MYT1: variants seen among roughly 807,000 people sequenced by gnomAD.
The protein encoded by MYT1 is myelin transcription factor 1.
Under a neutral mutation model 123.0 loss-of-function variants are expected in MYT1, and 23 were observed. The observed-to-expected ratio is 0.19, with a 90% CI of 0.13 to 0.26. The LOEUF (loss-of-function observed/expected upper bound fraction) is 0.26. MYT1 is among the 10% of genes least tolerant of loss of function. The pLI is 1.00. For missense variants in MYT1, 1,125 were observed against 1,472.5 expected, an observed-to-expected ratio of 0.76 and a Z score of 3.86; for synonymous variants, 518 against 575.3, an observed-to-expected ratio of 0.90 and a Z score of 1.43.
intron 1 of MYT1, among the ~76,000 whole-genome samples, chr20:64,180,515 A>G (rs1982623124): frequency 6.6e-6 from 1 of 152,196 alleles, no homozygotes; most frequent in Non-Finnish European, 1.5e-5. Context: ...TCTGCAGGCC[A>G]ACCTCTGGGT....
At chr20:64,233,165 C>G (rs952719411) in intron 19 of MYT1, among the ~76,000 whole-genome samples, 2 of 128,400 alleles carry the variant, frequency 1.6e-5, no homozygotes, top group African/African-American at 6.0e-5. Flanking sequence ...CTTCCTCCTT[C>G]CCTTTCCCTC....
At position 64,208,822 on chromosome 20, in the gene MYT1, C is replaced by A. The variant is rs1983579731; in HGVS notation, c.1291+335C>A. On this transcript the variant is annotated intron_variant, in intron 7 of 22. Coordinates refer to ENST00000328439, the MANE Select transcript of MYT1 (RefSeq NM_004535.3). The surrounding 1 kb of genome is among the most constrained non-coding windows in gnomAD (Gnocchi z 5.4). ...AGGGTGGGGACCGTCCTGTCCCTTCCACCCCAACTCACACTCGTGGCAGGG... is the reference window on the plus strand; with the variant it reads ...AGGGTGGGGACCGTCCTGTCCCTTCAACCCCAACTCACACTCGTGGCAGGG... Among the ~76,000 whole-genome samples, 2 of 152,178 alleles carry A rather than the reference C, an allele frequency of 1.3e-5. No individual in the cohort carries two copies. The highest frequency in any genetic ancestry group is 4.8e-5 in the African/African-American group (2 of 41,442).
chr20:64,235,369 A>G (rs1314042427), intron 19 of MYT1, among the ~76,000 whole-genome samples: 4 of 125,802 alleles, frequency 3.2e-5, no homozygotes, highest in Non-Finnish European at 6.4e-5. Context: ...GTTGTGGGTG[A>G]CACTGGGCTG....
chr20:64,204,398 C>T (rs1983417480), intron 4 of MYT1, among the ~76,000 whole-genome samples: 1 of 152,194 alleles, frequency 6.6e-6, no homozygotes. Context: ...CAAAAGTCTT[C>T]CACGAGGCAG....
intron 8 of MYT1, 76 bp downstream of exon 8, chr20:64,211,416 G>A: frequency 6.7e-7 from 1 of 1,496,904 alleles, no homozygotes; most frequent in Non-Finnish European, 9.1e-7. Flanking sequence ...GGTGTCTATG[G>A]GGAGGCGTGG....
intron 1 of MYT1, among the ~76,000 whole-genome samples, chr20:64,165,949 T>A (rs1982066811): frequency 6.6e-6 from 1 of 151,726 alleles, no homozygotes; most frequent in South Asian, 2.1e-4. Flanking sequence ...TGCTGAGGGG[T>A]ATGCTCTGCC....
intron 1 of MYT1, among the ~76,000 whole-genome samples, chr20:64,187,358 C>T (rs966832876): frequency 1.4e-4 from 21 of 150,362 alleles, no homozygotes; most frequent in African/African-American, 2.9e-4. Flanking sequence ...CCTGTGGCCC[C>T]GGCATCCACG....
intron 3 of MYT1, among the ~76,000 whole-genome samples, chr20:64,199,186 C>A (rs551889898): frequency 6.6e-6 from 1 of 152,322 alleles, no homozygotes; most frequent in East Asian, 1.9e-4. Flanking sequence ...GGCTCAGTTA[C>A]GAGACCATTC....
chr20:64,184,051 C>T (rs1053294639), intron 1 of MYT1, among the ~76,000 whole-genome samples: 13 of 152,164 alleles, frequency 8.5e-5, no homozygotes, highest in Non-Finnish European at 1.5e-4. Context: ...AACCCCTGAC[C>T]TCAAGTGATC....
intron 1 of MYT1, among the ~76,000 whole-genome samples, chr20:64,170,975 G>A (rs989306944): frequency 2.0e-5 from 3 of 147,142 alleles, no homozygotes; most frequent in East Asian, 4.0e-4. Context: ...GTGCAGTGGC[G>A]CCTTCTTGGC....
intron 21 of MYT1, among the ~76,000 whole-genome samples, chr20:64,238,515 A>T (rs558298805): frequency 6.6e-6 from 1 of 152,334 alleles, no homozygotes; most frequent in Non-Finnish European, 1.5e-5. Context: ...CTGTATAAAA[A>T]TAGCATCACC....
chr20:64,241,258 G>A lies in MYT1; in HGVS notation c.*810G>A, dbSNP rs910974410. On this transcript the variant is annotated 3_prime_UTR_variant, in exon 23 of 23. Coordinates refer to ENST00000328439, the MANE Select transcript of MYT1 (RefSeq NM_004535.3). The surrounding 1 kb of genome is among the most constrained non-coding windows in gnomAD (Gnocchi z 4.2). ...CCGACCCATCACTGCCACATTCTCCGGGTCATGGCCGAGCTTGACCTCTGC... is the reference window on the plus strand; with the variant it reads ...CCGACCCATCACTGCCACATTCTCCAGGTCATGGCCGAGCTTGACCTCTGC... The A allele has an allele frequency of 1.3e-5, 2 of 152,138 alleles. No homozygotes were observed. The highest frequency in any genetic ancestry group is 4.8e-5 in the African/African-American group (2 of 41,414). The allele number at this position is 152,138 out of a possible 1,614,324, so 9.4% of individuals were successfully genotyped here. A position where few individuals can be genotyped will look rare whatever the true frequency, so the allele number is the denominator to read the frequency against.
chr20:64,177,626 GGGGCGGGGACAAGAGGGCACCCCTCTCCA>G (rs1982504927), intron 1 of MYT1, among the ~76,000 whole-genome samples: 3 of 141,206 alleles, frequency 2.1e-5, no homozygotes, highest in African/African-American at 8.5e-5. Flanking sequence ...CCCCTCTCCG[GGGGCGGGGACAAGAGGGCACCCCTCTCCA>G]GGGCAGGGAC....
In MYT1 at chr20:64,208,494, C is replaced by A. The variant is rs1983569116; in HGVS notation, c.1291+7C>A. On this transcript the variant is annotated splice_region_variant and intron_variant, in intron 7 of 22. Coordinates refer to ENST00000328439, the MANE Select transcript of MYT1 (RefSeq NM_004535.3). The surrounding 1 kb of genome is among the most constrained non-coding windows in gnomAD (Gnocchi z 5.4). ...AAGAGTTACTACAGTAAAGGTAGGGCTCAGGGGTGGCCTGGCCCTGCAGAC... is the reference window on the plus strand; with the variant it reads ...AAGAGTTACTACAGTAAAGGTAGGGATCAGGGGTGGCCTGGCCCTGCAGAC... 1.9e-6 allele frequency: 3 copies of A among 1,582,282 alleles called. No individual in the cohort carries two copies. The highest frequency in any genetic ancestry group is 1.7e-5 in the Admixed American group (1 of 58,200).
At chr20:64,172,741 C>CTTTTTTTTTTTT (rs33943131) in intron 1 of MYT1, among the ~76,000 whole-genome samples, 1 of 95,548 alleles carries the variant, frequency 1.0e-5, no homozygotes. Flanking sequence ...GCCATACCCT[C>CTTTTTTTTTTTT]TTTTTTTTTT....
In MYT1 at chr20:64,208,127, G is replaced by A. The variant is rs1983552886; in HGVS notation, c.931G>A (p.Val311Met). 5.0e-6 allele frequency: 8 copies of A among 1,612,706 alleles called. No homozygotes were observed. The highest frequency in any genetic ancestry group is 6.8e-6 in the Non-Finnish European group (8 of 1,179,306). ...GGAGGAGGAGGAGGCAGCTCCTGAT[G>A]TGATCTTTCAGGAAGACACCTCTCA... ...EEEEEEAAPD[V>M]IFQEDTSHTS... Residue 311 changes from valine (V) to methionine (M), a missense_variant, in exon 7 of 23, where the codon GTG becomes ATG. Coordinates refer to ENST00000328439, the MANE Select transcript of MYT1 (RefSeq NM_004535.3). The surrounding 1 kb of genome is among the most constrained non-coding windows in gnomAD (Gnocchi z 5.4).
chr20:64,177,065 A>G (rs1398685804), intron 1 of MYT1, among the ~76,000 whole-genome samples: 1 of 152,232 alleles, frequency 6.6e-6, no homozygotes, highest in Non-Finnish European at 1.5e-5. Context: ...CCTGGGTGAA[A>G]GGTCACTATT....
intron 4 of MYT1, among the ~76,000 whole-genome samples, chr20:64,200,272 T>C (rs911738990): frequency 2.0e-5 from 3 of 152,158 alleles, no homozygotes; most frequent in African/African-American, 7.2e-5. Flanking sequence ...CTGTGTCAGA[T>C]GGTTGGAGGC....
Position 64,205,580 on chromosome 20 carries a change from G to A in MYT1, c.177G>A (p.Lys59=). 6.2e-7 allele frequency: 1 copy of A among 1,614,158 alleles called. No individual in the cohort carries two copies. The highest frequency in any genetic ancestry group is 8.5e-7 in the Non-Finnish European group (1 of 1,180,036). Residue 59 remains lysine, a synonymous_variant, in exon 6 of 23, where the codon AAG becomes AAA. Coordinates refer to ENST00000328439, the MANE Select transcript of MYT1 (RefSeq NM_004535.3). ...TACAGAGCTGCCCCCTGGCCAAGAA[G>A]AGGAAGCTGGAGGGCGCTGAGGCTG... ...RSLQSCPLAK[K]RKLEGAEAEH...
Sources: gnomAD v4.1 joint callset for allele counts (sites outside exome capture counted in the v4.1 genomes callset) on GRCh38, gnomAD v4.1.1 for gene constraint, Gnocchi (gnomAD v3.1) non-coding constraint, MANE v1.5 for transcripts, NCBI Gene and HGNC (gene_info 2026-07-23, HGNC 2026-07-21) for gene names.